LDLRAD4: variants seen among roughly 807,000 people sequenced by gnomAD.
LDLRAD4 encodes the protein low density lipoprotein receptor class A domain containing 4.
LDLRAD4 carries 5 observed loss-of-function variants against 17.0 expected under a neutral mutation model. The ratio of observed to expected loss-of-function variants is 0.29; its 90% CI spans 0.15 to 0.62. LDLRAD4 has a LOEUF of 0.62. Among genes scored for constraint, LDLRAD4 ranks in the 20% least tolerant of loss-of-function variants. LDLRAD4 has a pLI of 0.84. For missense variants in LDLRAD4, 340 were observed against 424.7 expected, an observed-to-expected ratio of 0.80 and a Z score of 1.75; for synonymous variants, 168 against 171.8, an observed-to-expected ratio of 0.98 and a Z score of 0.17.
chr18:13,288,559 T>C (rs1034926508), intron 1 of LDLRAD4, among the ~76,000 whole-genome samples: 3 of 152,196 alleles, frequency 2.0e-5, no homozygotes. Context: ...ATAGTGACTA[T>C]GAAAGAAAAG....
intron 1 of LDLRAD4, among the ~76,000 whole-genome samples, chr18:13,374,275 C>A (rs1180545369): frequency 6.6e-6 from 1 of 152,212 alleles, no homozygotes; most frequent in Non-Finnish European, 1.5e-5. Flanking sequence ...TCAGCCCTGA[C>A]CCCACACAGT....
At chr18:13,421,505 G>A (rs1187457460) in intron 2 of LDLRAD4, among the ~76,000 whole-genome samples, 2 of 152,074 alleles carry the variant, frequency 1.3e-5, no homozygotes, top group Non-Finnish European at 2.9e-5. Flanking sequence ...ATGGCAAAGA[G>A]CCCTGGCGGC....
At chr18:13,525,076 C>T (rs943388559) in intron 3 of LDLRAD4, among the ~76,000 whole-genome samples, 1 of 152,180 alleles carries the variant, frequency 6.6e-6, no homozygotes, top group Non-Finnish European at 1.5e-5. Flanking sequence ...CAGGCACAGA[C>T]ACACGCGTAC....
intron 3 of LDLRAD4, among the ~76,000 whole-genome samples, chr18:13,594,999 C>T (rs758899103): frequency 3.3e-5 from 5 of 151,904 alleles, no homozygotes; most frequent in African/African-American, 7.2e-5. Context: ...TTTTTCATTT[C>T]GTACAAGTTA....
At chr18:13,557,462 G>GCGGT (rs2094495887) in intron 3 of LDLRAD4, among the ~76,000 whole-genome samples, 1 of 152,050 alleles carries the variant, frequency 6.6e-6, no homozygotes, top group Admixed American at 6.6e-5. Flanking sequence ...GCGCAGTGAT[G>GCGGT]CGGTCTTGGC....
chr18:13,594,658 TC>T (rs1279738234), intron 3 of LDLRAD4, among the ~76,000 whole-genome samples: 37 of 40,882 alleles, frequency 9.1e-4, no homozygotes, highest in African/African-American at 3.5e-3. Context: ...AGAGCAAGAT[TC>T]CATCTCAAAA....
At chr18:13,449,579 C>T (rs2091655250) in intron 3 of LDLRAD4, among the ~76,000 whole-genome samples, 1 of 152,268 alleles carries the variant, frequency 6.6e-6, no homozygotes, top group African/African-American at 2.4e-5. Context: ...CCCCTGTCTT[C>T]CTGCGGGCGT....
In LDLRAD4 at chr18:13,633,784, A is replaced by G. The variant is rs567956207; in HGVS notation, c.337-9575A>G. Among the ~76,000 whole-genome samples, 38 of 152,312 alleles carry G rather than the reference A, an allele frequency of 2.5e-4. No homozygotes were observed. In the South Asian group the frequency reaches 6.4e-3, roughly 26 times the overall value. On this transcript the variant is annotated intron_variant, in intron 4 of 5. Coordinates refer to ENST00000359446, the Ensembl canonical transcript of LDLRAD4. ...TCGCTAGGACCCTGAGAGCACAGGG[A>G]TGCCCTGGGTCCGCAGCTGCAGCTT...
At chr18:13,584,149 T>C (rs1159289776) in intron 3 of LDLRAD4, among the ~76,000 whole-genome samples, 1 of 152,212 alleles carries the variant, frequency 6.6e-6, no homozygotes, top group Non-Finnish European at 1.5e-5. Context: ...TCTGCCTGCC[T>C]TGGTCTCTTC....
intron 3 of LDLRAD4, chr18:13,614,846 A>G (rs2148750176): frequency 6.6e-6 from 1 of 152,300 alleles, no homozygotes; most frequent in East Asian, 1.9e-4. Flanking sequence ...ATAAAGAGTA[A>G]GACACCCCTA....
intron 1 of LDLRAD4, among the ~76,000 whole-genome samples, chr18:13,334,745 G>A (rs537746508): frequency 6.6e-6 from 1 of 151,982 alleles, no homozygotes; most frequent in African/African-American, 2.4e-5. Flanking sequence ...TTGAAAACTA[G>A]TGGTGAGAAG....
At chr18:13,505,930 T>C (rs930969924) in intron 3 of LDLRAD4, among the ~76,000 whole-genome samples, 1 of 152,172 alleles carries the variant, frequency 6.6e-6, no homozygotes, top group African/African-American at 2.4e-5. Context: ...CCTCCTCTCA[T>C]CCTGTCACCC....
At chr18:13,573,483 GC>G (rs1209884747) in intron 3 of LDLRAD4, among the ~76,000 whole-genome samples, 1 of 152,134 alleles carries the variant, frequency 6.6e-6, no homozygotes, top group African/African-American at 2.4e-5. Flanking sequence ...CAGGTGATCT[GC>G]CCACCTCGGC....
At chr18:13,279,123 C>T (rs1370124271) in intron 1 of LDLRAD4, among the ~76,000 whole-genome samples, 1 of 152,204 alleles carries the variant, frequency 6.6e-6, no homozygotes, top group South Asian at 2.1e-4. Flanking sequence ...CTCCTCTCTC[C>T]TGAGTGAATT....
In LDLRAD4 at chr18:13,495,531, C is replaced by G. The variant is rs115553819; in HGVS notation, c.181+57147C>G. Reference sequence around the variant, plus strand: ...AGAGGAAATACCAAGGCATATTTCCCCCATTCCTGAAGTATAAGATGGTGT... The same window carrying G: ...AGAGGAAATACCAAGGCATATTTCCGCCATTCCTGAAGTATAAGATGGTGT... On this transcript the variant is annotated intron_variant, in intron 3 of 5. Transcript: ENST00000359446. 6.0e-3 allele frequency among the ~76,000 whole-genome samples: 916 copies of G among 152,260 alleles called. 12 individuals are homozygous for G. Among genetic ancestry groups the G allele is most frequent in the African/African-American group, 0.021 (876 of 41,540 alleles).
chr18:13,429,799 G>T (rs570145222), intron 2 of LDLRAD4, among the ~76,000 whole-genome samples: 1 of 152,222 alleles, frequency 6.6e-6, no homozygotes, highest in Non-Finnish European at 1.5e-5. Flanking sequence ...CGCTTCTGCC[G>T]CAGGTCGCGA....
chr18:13,483,053 G>C (rs1038184450), intron 3 of LDLRAD4, among the ~76,000 whole-genome samples: 12 of 152,158 alleles, frequency 7.9e-5, no homozygotes, highest in Non-Finnish European at 1.8e-4. Context: ...AAGGTGGAGA[G>C]AGGCCTTGGT....
intron 3 of LDLRAD4, among the ~76,000 whole-genome samples, chr18:13,452,107 A>T (rs2091871734): frequency 1.3e-5 from 2 of 152,094 alleles, no homozygotes; most frequent in African/African-American, 4.8e-5. Context: ...GAGAGTAGGG[A>T]CTGGGCCTAG....
intron 1 of LDLRAD4, among the ~76,000 whole-genome samples, chr18:13,262,691 C>T (rs1288535666): frequency 1.0e-5 from 1 of 97,492 alleles, no homozygotes; most frequent in Non-Finnish European, 1.9e-5. Flanking sequence ...AACTGAGTCC[C>T]GTGCGGCCCT....
Sources: allele counts gnomAD v4.1 joint callset (sites outside exome capture counted in the v4.1 genomes callset), GRCh38; gene constraint gnomAD v4.1.1; transcripts MANE v1.5; gene names NCBI Gene and HGNC (gene_info 2026-07-23, HGNC 2026-07-21).